DNM2: variants seen among roughly 807,000 people sequenced by gnomAD.
DNM2 encodes dynamin-2.
In DNM2, 15 loss-of-function variants were observed where a neutral mutation model predicts 99.0. The observed-to-expected ratio is 0.15, with a 90% CI of 0.10 to 0.23. The LOEUF (loss-of-function observed/expected upper bound fraction) is 0.23. Ranked by LOEUF, DNM2 falls within the 10% of genes least tolerant of loss-of-function variation. DNM2 has a pLI of 1.00. For missense variants in DNM2, 742 were observed against 1,189.4 expected (o/e 0.62, Z 5.53); for synonymous variants, 525 against 481.2 (o/e 1.09, Z -1.19).
chr19:10,756,078 C>T (rs915795300), intron 1 of DNM2, among the ~76,000 whole-genome samples: 1 of 152,110 alleles, frequency 6.6e-6, no homozygotes, highest in African/African-American at 2.4e-5. Flanking sequence ...CTACTTGTGG[C>T]GTTCATGAGG....
Position 10,771,384 on chromosome 19 carries a change from AC to A in DNM2, c.236-1090del, listed in dbSNP as rs1329213547. Among the ~76,000 whole-genome samples the A allele has an allele frequency of 4.6e-5, 7 of 151,640 alleles. No homozygotes were observed. The East Asian group carries it at 1.2e-3, about 25-fold the overall frequency. On this transcript the variant is annotated intron_variant, in intron 2 of 20. Transcript: ENST00000389253. ...CCCAGTCTTGCTGTGACTTTCAGAT[AC>A]CCCCGGGTCTTATATACACTCAGGG...
chr19:10,751,474 G>T (rs1667724238), intron 1 of DNM2, among the ~76,000 whole-genome samples: 1 of 152,180 alleles, frequency 6.6e-6, no homozygotes, highest in South Asian at 2.1e-4. Flanking sequence ...AGTGTTCCAG[G>T]CAGAGCTGCT....
intron 1 of DNM2, among the ~76,000 whole-genome samples, chr19:10,730,043 T>G (rs2069257640): frequency 6.6e-6 from 1 of 152,090 alleles, no homozygotes; most frequent in African/African-American, 2.4e-5. Context: ...TTATAATCTT[T>G]TGTACAGATG....
Position 10,795,816 on chromosome 19 carries a change from C to T in DNM2, c.1196+377C>T, listed in dbSNP as rs2071911638. On this transcript the variant is annotated intron_variant, in intron 9 of 20. Coordinates refer to ENST00000389253, the MANE Select transcript of DNM2 (RefSeq NM_001005361.3). This position sits in a 1 kb window ranked among gnomAD's most constrained non-coding sequence, Gnocchi z 4.2. The stretch of plus-strand genomic sequence containing the variant: ...GCATGAGTCCCCATCATGGCTTCCT[C>T]GTGAGCCTCTTGGGTCCCCTCCTTA... 8 of 622,240 alleles carry T rather than the reference C, an allele frequency of 1.3e-5. No individual in the cohort carries two copies. The highest frequency in any genetic ancestry group is 7.3e-5 in the African/African-American group (4 of 54,576). 38.5% of individuals were successfully genotyped at this position (622,240 alleles called of 1,614,324 possible).
intron 15 of DNM2, among the ~76,000 whole-genome samples, chr19:10,814,550 T>TG (rs1176745155): frequency 6.6e-6 from 1 of 152,222 alleles, no homozygotes; most frequent in Non-Finnish European, 1.5e-5. Flanking sequence ...TAGAAGTTAA[T>TG]GCCTTTTCTC....
intron 1 of DNM2, among the ~76,000 whole-genome samples, chr19:10,735,030 T>A (rs1335179477): frequency 2.0e-5 from 3 of 151,652 alleles, no homozygotes; most frequent in Non-Finnish European, 2.9e-5. Context: ...TGAATCTTTT[T>A]TTGTTTGTTT....
rs940521525 is a variant in DNM2 at position 10,818,189 on chromosome 19, C to T, written c.1672-1791C>T. ...CTCCCTTGGGTCCGCAGCGGCATCC[C>T]TCCCTCCATGGCCACCGGGCCCCTC... On this transcript the variant is annotated intron_variant, in intron 15 of 20. Coordinates refer to ENST00000389253, the MANE Select transcript of DNM2 (RefSeq NM_001005361.3). The surrounding 1 kb of genome is among the most constrained non-coding windows in gnomAD (Gnocchi z 4.3). Among the ~76,000 whole-genome samples the T allele has an allele frequency of 1.7e-5, 2 of 115,138 alleles. No individual in the cohort carries two copies. Among genetic ancestry groups the T allele is most frequent in the Non-Finnish European group, 3.9e-5 (2 of 51,012 alleles). The allele number at this position is 115,138 out of a possible 152,430, so 75.5% of individuals were successfully genotyped here.
rs1482070230 is a variant in DNM2 at position 10,796,681 on chromosome 19, A to G, written c.1197-699A>G. ...GCCTGAATGCCAGCGACATCATGAG[A>G]GCCAGCTGGGGTCCTAAGTGCCCCT... On this transcript the variant is annotated intron_variant, in intron 9 of 20. Transcript: ENST00000389253. The surrounding 1 kb of genome is among the most constrained non-coding windows in gnomAD (Gnocchi z 5.6). 6.6e-6 allele frequency among the ~76,000 whole-genome samples: 1 copy of G among 151,984 alleles called. No homozygotes were observed. The highest frequency in any genetic ancestry group is 2.4e-5 in the African/African-American group (1 of 41,388).
At chr19:10,803,875 G>A (rs2072243958) in intron 12 of DNM2, among the ~76,000 whole-genome samples, 1 of 152,208 alleles carries the variant, frequency 6.6e-6, no homozygotes, top group Non-Finnish European at 1.5e-5. Flanking sequence ...CTGCAGGCTG[G>A]GGAGGTGGAG....
intron 11 of DNM2, among the ~76,000 whole-genome samples, chr19:10,801,135 GTC>G (rs1371216580): frequency 6.6e-6 from 1 of 151,266 alleles, no homozygotes; most frequent in East Asian, 2.0e-4. Context: ...GTGAAAACCC[GTC>G]TCTACTAAAA....
intron 5 of DNM2, among the ~76,000 whole-genome samples, chr19:10,777,753 C>A (rs931547365): frequency 6.6e-6 from 1 of 152,032 alleles, no homozygotes; most frequent in Non-Finnish European, 1.5e-5. Context: ...CACCACCACG[C>A]CCAGCTAGTT....
chr19:10,726,072 A>G (rs916022656), intron 1 of DNM2, among the ~76,000 whole-genome samples: 1 of 151,834 alleles, frequency 6.6e-6, no homozygotes, highest in Non-Finnish European at 1.5e-5. Flanking sequence ...TCCAAAAATT[A>G]GGTGGGTGTG....
intron 1 of DNM2, among the ~76,000 whole-genome samples, chr19:10,726,356 C>T (rs141451840): frequency 6.6e-6 from 1 of 152,144 alleles, no homozygotes; most frequent in East Asian, 1.9e-4. Context: ...CCGCCGAACC[C>T]GGCCTTAGTT....
At chr19:10,726,810 C>A (rs1258510037) in intron 1 of DNM2, among the ~76,000 whole-genome samples, 1 of 152,154 alleles carries the variant, frequency 6.6e-6, no homozygotes, top group African/African-American at 2.4e-5. Context: ...TTGCGGTAAG[C>A]CGAGATTGCG....
At chr19:10,815,203 T>A (rs2072692962) in intron 15 of DNM2, among the ~76,000 whole-genome samples, 1 of 152,106 alleles carries the variant, frequency 6.6e-6, no homozygotes. Context: ...CCCTTCATAG[T>A]TTAAAATGGC....
chr19:10,773,804 G>A (rs2071062482), intron 3 of DNM2, among the ~76,000 whole-genome samples: 1 of 151,752 alleles, frequency 6.6e-6, no homozygotes, highest in South Asian at 2.1e-4. Context: ...GTAGAGATGG[G>A]GTTTCACCAT....
chr19:10,830,198 C>G lies in DNM2; in HGVS notation c.2363C>G (p.Thr788Ser). 2 of 1,613,510 alleles carry G rather than the reference C, an allele frequency of 1.2e-6. No individual in the cohort carries two copies. The highest frequency in any genetic ancestry group is 1.7e-6 in the Non-Finnish European group (2 of 1,179,520). The change falls in exon 20 of 21, where the codon ACT becomes AGT. Residue 788 changes from threonine to serine, a missense_variant. By Grantham distance (58) the Thr-to-Ser change is moderately conservative (BLOSUM62 1). Transcript: ENST00000389253. This position sits in a 1 kb window ranked among gnomAD's most constrained non-coding sequence, Gnocchi z 4.8. ...PGRPPAVRGPTPGPPLIPVPV... is the reference protein window; with the variant it reads ...PGRPPAVRGPSPGPPLIPVPV... ...CGGCCCCCAGCAGTGAGGGGCCCCACTCCAGGGCCCCCCCTGATTCCTGTT... is the reference window on the plus strand; with the variant it reads ...CGGCCCCCAGCAGTGAGGGGCCCCAGTCCAGGGCCCCCCCTGATTCCTGTT...
At chr19:10,784,001 A>G (rs1268376770) in intron 6 of DNM2, among the ~76,000 whole-genome samples, 1 of 152,134 alleles carries the variant, frequency 6.6e-6, no homozygotes, top group Admixed American at 6.6e-5. Flanking sequence ...TGCCTGGCCT[A>G]TCGTTCTCTT....
Position 10,795,788 on chromosome 19 carries a change from CCAG to C in DNM2, c.1196+352_1196+354del. 1 of 592,820 alleles carries C rather than the reference CCAG, an allele frequency of 1.7e-6. No individual in the cohort carries two copies. Among genetic ancestry groups the C allele is most frequent in the Non-Finnish European group, 3.0e-6 (1 of 335,034 alleles). 36.7% of individuals were successfully genotyped at this position (592,820 alleles called of 1,614,324 possible). On this transcript the variant is annotated intron_variant, in intron 9 of 20. Coordinates refer to ENST00000389253, the MANE Select transcript of DNM2 (RefSeq NM_001005361.3). The surrounding 1 kb of genome is among the most constrained non-coding windows in gnomAD (Gnocchi z 4.2). Reference sequence around the variant, plus strand: ...GGCACTGAATCAGGGTTTTGGGAAGCCAGCATGAGTCCCCATCATGGCTTCCTC... The same window carrying C: ...GGCACTGAATCAGGGTTTTGGGAAGCCATGAGTCCCCATCATGGCTTCCTC...
Sources: gnomAD v4.1 joint callset for allele counts (sites outside exome capture counted in the v4.1 genomes callset) on GRCh38, gnomAD v4.1.1 for gene constraint, Gnocchi (gnomAD v3.1) non-coding constraint, MANE v1.5 for transcripts, NCBI Gene and HGNC (gene_info 2026-07-23, HGNC 2026-07-21) for gene names.